Variants in CTNNA3 observed in about 807,000 individuals in gnomAD.
CTNNA3 encodes the protein catenin alpha 3.
CTNNA3 carries 76 observed loss-of-function variants against 95.7 expected under a neutral mutation model. The observed-to-expected ratio is 0.79, with a 90% CI of 0.66 to 0.96. The LOEUF (loss-of-function observed/expected upper bound fraction) is 0.96, where lower values mean the gene tolerates loss of function less well. Among genes scored for constraint, CTNNA3 ranks in the 40% least tolerant of loss-of-function variants. The pLI is 0.00. For missense variants in CTNNA3, 1,191 were observed against 1,089.8 expected (o/e 1.09, Z -1.31); for synonymous variants, 431 against 374.4 (o/e 1.15, Z -1.74).
At chr10:67,478,554 T>A (rs1013689513) in intron 5 of CTNNA3, among the ~76,000 whole-genome samples, 18 of 151,914 alleles carry the variant, frequency 1.2e-4, no homozygotes, top group Middle Eastern at 3.4e-3. Flanking sequence ...AAAGAAAAAA[T>A]AAAATCTTGT....
chr10:67,221,603 CGCGCTCTGT>C (rs1327998743), intron 5 of CTNNA3, among the ~76,000 whole-genome samples: 1 of 151,938 alleles, frequency 6.6e-6, no homozygotes. Flanking sequence ...ATGACAGAGT[CGCGCTCTGT>C]CGCCGAGGCT....
intron 5 of CTNNA3, among the ~76,000 whole-genome samples, chr10:67,504,453 A>C (rs1342272045): frequency 1.3e-5 from 2 of 150,286 alleles, no homozygotes; most frequent in Non-Finnish European, 3.0e-5. Flanking sequence ...AAAAAAAAAA[A>C]AAAAAAACAG....
chr10:65,965,961 A>G (rs1056796202), intron 17 of CTNNA3, among the ~76,000 whole-genome samples: 30 of 152,204 alleles, frequency 2.0e-4, no homozygotes, highest in African/African-American at 7.0e-4. Flanking sequence ...CAATATAGAT[A>G]TCAAATATTA....
chr10:67,248,525 C>T (rs1865988724), intron 5 of CTNNA3, among the ~76,000 whole-genome samples: 1 of 152,074 alleles, frequency 6.6e-6, no homozygotes, highest in African/African-American at 2.4e-5. Flanking sequence ...AGGTGATTCT[C>T]CCACCTCAGC....
chr10:67,428,916 G>C (rs781699900), intron 5 of CTNNA3, among the ~76,000 whole-genome samples: 1 of 151,924 alleles, frequency 6.6e-6, no homozygotes, highest in Non-Finnish European at 1.5e-5. Flanking sequence ...TCAGCTTGCA[G>C]ACAGGACCTT....
At chr10:66,538,278 A>C (rs1740062159) in intron 10 of CTNNA3, among the ~76,000 whole-genome samples, 1 of 152,150 alleles carries the variant, frequency 6.6e-6, no homozygotes, top group Admixed American at 6.6e-5. Context: ...TTGTCATAAA[A>C]ATCAACAGAA....
At chr10:66,976,727 A>C (rs1850054713) in intron 7 of CTNNA3, among the ~76,000 whole-genome samples, 1 of 152,132 alleles carries the variant, frequency 6.6e-6, no homozygotes, top group Non-Finnish European at 1.5e-5. Flanking sequence ...TTATTCTCTG[A>C]ACTTAGTGCT....
At chr10:66,508,490 TGCA>T (rs1438915760) in intron 11 of CTNNA3, among the ~76,000 whole-genome samples, 2 of 152,124 alleles carry the variant, frequency 1.3e-5, no homozygotes, top group Non-Finnish European at 2.9e-5. Context: ...ACACTCCTGG[TGCA>T]ACAGCTTCCC....
At chr10:66,950,089 C>T (rs1848462264) in intron 7 of CTNNA3, among the ~76,000 whole-genome samples, 1 of 152,174 alleles carries the variant, frequency 6.6e-6, no homozygotes, top group Non-Finnish European at 1.5e-5. Flanking sequence ...CTTTGAACGT[C>T]TCCTTCAGGG....
At chr10:65,955,139 C>G (rs1362345399) in intron 17 of CTNNA3, among the ~76,000 whole-genome samples, 6 of 152,066 alleles carry the variant, frequency 3.9e-5, no homozygotes, top group Admixed American at 3.3e-4. Flanking sequence ...ATTTTATTCT[C>G]TTTGAAGCAA....
intron 7 of CTNNA3, among the ~76,000 whole-genome samples, chr10:67,174,730 C>T (rs1862161308): frequency 6.6e-6 from 1 of 152,072 alleles, no homozygotes; most frequent in South Asian, 2.1e-4. Flanking sequence ...GAATCATCAG[C>T]TCCTATATTC....
intron 5 of CTNNA3, among the ~76,000 whole-genome samples, chr10:67,227,555 T>C (rs1163653541): frequency 6.6e-6 from 1 of 152,128 alleles, no homozygotes; most frequent in African/African-American, 2.4e-5. Flanking sequence ...ATAAAACAAT[T>C]ACTAATAGAT....
chr10:66,558,503 A>G (rs1403824545), intron 10 of CTNNA3, among the ~76,000 whole-genome samples: 1 of 152,160 alleles, frequency 6.6e-6, no homozygotes, highest in African/African-American at 2.4e-5. Context: ...GAAAAATTTA[A>G]GTAGTACTTT....
At chr10:67,699,168 G>A (rs1185583544), upstream of CTNNA3, among the ~76,000 whole-genome samples, 1 of 152,046 alleles carries the variant, frequency 6.6e-6, no homozygotes, top group Admixed American at 6.6e-5. Context: ...CCAATGATCA[G>A]TGCAAAAATA....
chr10:67,110,877 C>A, intron 7 of CTNNA3, among the ~76,000 whole-genome samples: 1 of 151,956 alleles, frequency 6.6e-6, no homozygotes, highest in Non-Finnish European at 1.5e-5. Flanking sequence ...AAATTAGGGT[C>A]TTACACTTAT....
At chr10:66,200,242 G>A (rs1218733921) in intron 13 of CTNNA3, among the ~76,000 whole-genome samples, 1 of 150,056 alleles carries the variant, frequency 6.7e-6, no homozygotes, top group Non-Finnish European at 1.5e-5. Flanking sequence ...AGGGAAGGGA[G>A]GGGAGGGGAG....
chr10:66,452,677 G>A (rs1301115816), intron 11 of CTNNA3, among the ~76,000 whole-genome samples: 1 of 152,086 alleles, frequency 6.6e-6, no homozygotes, highest in Non-Finnish European at 1.5e-5. Flanking sequence ...TAACTTCTCT[G>A]TTCCTGTGAA....
At chr10:66,202,063 G>A (rs1244471473) in intron 13 of CTNNA3, among the ~76,000 whole-genome samples, 1 of 151,926 alleles carries the variant, frequency 6.6e-6, no homozygotes, top group Non-Finnish European at 1.5e-5. Flanking sequence ...CTGGGATTAT[G>A]GTGCGAGCCA....
rs10822938 is a variant in CTNNA3 at position 66,904,806 on chromosome 10, C to T, written c.1048-129282G>A. Among the ~76,000 whole-genome samples the T allele has an allele frequency of 0.033, 5,016 of 152,270 alleles. 427 individuals carry two copies. The East Asian group carries it at 0.36, about 11-fold the overall frequency. On this transcript the variant is annotated intron_variant, in intron 7 of 17. Coordinates refer to ENST00000433211, the MANE Select transcript of CTNNA3 (RefSeq NM_013266.4). ...CACTGGTCATCAGATAAATGCAAAT[C>T]AAAACCACAATGAGATACCATCTCA...
Sources: gnomAD v4.1 joint callset for allele counts (sites outside exome capture counted in the v4.1 genomes callset) on GRCh38, gnomAD v4.1.1 for gene constraint, MANE v1.5 for transcripts, NCBI Gene and HGNC (gene_info 2026-07-23, HGNC 2026-07-21) for gene names.